DDHD1: variants seen among roughly 807,000 people sequenced by gnomAD.
DDHD1 encodes the protein DDHD domain containing 1, also known as phospholipase DDHD1.
A neutral mutation model predicts 96.4 loss-of-function variants in DDHD1; 49 were observed. The observed-to-expected ratio is 0.51, with a 90% CI of 0.40 to 0.64. The LOEUF (loss-of-function observed/expected upper bound fraction) is 0.64, where lower values mean the gene tolerates loss of function less well. Among genes scored for constraint, DDHD1 ranks in the 30% least tolerant of loss-of-function variants. The pLI, the probability that DDHD1 is intolerant of heterozygous loss-of-function variation, is 0.00. For synonymous variants in DDHD1, 442 were observed against 446.5 expected (o/e 0.99, Z 0.13); for missense variants, 1,106 against 1,161.2 (o/e 0.95, Z 0.69).
chr14:53,068,085 C>T (rs1262753043), intron 6 of DDHD1, among the ~76,000 whole-genome samples: 1 of 152,088 alleles, frequency 6.6e-6, no homozygotes, highest in Admixed American at 6.6e-5. Flanking sequence ...CTACCATCCA[C>T]ATTCTAATTC....
At chr14:53,050,937 ATTAT>A (rs886223797) in intron 12 of DDHD1, among the ~76,000 whole-genome samples, 4 of 152,036 alleles carry the variant, frequency 2.6e-5, no homozygotes, top group African/African-American at 9.7e-5. Flanking sequence ...CATAAATAAA[ATTAT>A]TTATTTATGA....
chr14:53,135,928 C>T (rs917330829), intron 1 of DDHD1, among the ~76,000 whole-genome samples: 5 of 152,240 alleles, frequency 3.3e-5, no homozygotes, highest in African/African-American at 9.6e-5. Context: ...GCTAAGCCAT[C>T]ATATCTCCTG....
intron 4 of DDHD1, among the ~76,000 whole-genome samples, chr14:53,076,007 T>G (rs1884929522): frequency 6.6e-6 from 1 of 152,138 alleles, no homozygotes; most frequent in African/African-American, 2.4e-5. Flanking sequence ...AGAGCTCTGA[T>G]GGAGATGTAC....
rs1186440897 is a variant in DDHD1, at chr14:53,043,261, T to C, written c.*3507A>G. 6.6e-6 allele frequency: 1 copy of C among 152,176 alleles called. No homozygotes were observed. The highest frequency in any genetic ancestry group is 1.5e-5 in the Non-Finnish European group (1 of 68,038). The allele number at this position is 152,176 out of a possible 1,614,324, so 9.4% of individuals were successfully genotyped here. On this transcript the variant is annotated 3_prime_UTR_variant, in exon 13 of 13. Transcript: ENST00000673822. Reference sequence around the variant, plus strand: ...GTTTACATGTCTGAGGCCTTTAGCGTGAGTATTCAGCATGAAGCATGTTCA... The same window carrying C: ...GTTTACATGTCTGAGGCCTTTAGCGCGAGTATTCAGCATGAAGCATGTTCA...
At chr14:53,048,802 G>A (rs1310574032) in intron 12 of DDHD1, 1 of 152,086 alleles carries the variant, frequency 6.6e-6, no homozygotes, top group Non-Finnish European at 1.5e-5. Context: ...TAGACGGGAA[G>A]ACAAAAATAG....
intron 4 of DDHD1, among the ~76,000 whole-genome samples, chr14:53,083,579 G>A (rs985226735): frequency 3.3e-5 from 5 of 152,172 alleles, no homozygotes; most frequent in African/African-American, 7.2e-5. Context: ...GGTTAAGAGG[G>A]AAAACTCTCT....
In DDHD1 at chr14:53,063,224, C is replaced by CATTATCAT; in HGVS notation, c.1504-27_1504-20dup. 6.2e-7 allele frequency: 1 copy of CATTATCAT among 1,608,002 alleles called. No individual in the cohort carries two copies. The highest frequency in any genetic ancestry group is 1.1e-5 in the South Asian group (1 of 90,440). On this transcript the variant is annotated intron_variant, in intron 6 of 12. Coordinates refer to ENST00000673822, the MANE Select transcript of DDHD1 (RefSeq NM_001160148.2). ...TAACTAGCTGTTTGAAATAAGAAAACATTATCATATTAGACTTGTCACTGA... is the reference window on the plus strand; with the variant it reads ...TAACTAGCTGTTTGAAATAAGAAAACATTATCATATTATCATATTAGACTTGTCACTGA...
rs904872915 is a variant in DDHD1 at position 53,043,745 on chromosome 14, T to C, written c.*3023A>G. Reference sequence around the variant, plus strand: ...ACCTGGCCAAAATCCAGTATATTTTTAAATTATGTCCTAAAACACAGAAAC... The same window carrying C: ...ACCTGGCCAAAATCCAGTATATTTTCAAATTATGTCCTAAAACACAGAAAC... On this transcript the variant is annotated 3_prime_UTR_variant, in exon 13 of 13. Coordinates refer to ENST00000673822, the MANE Select transcript of DDHD1 (RefSeq NM_001160148.2). 1 of 152,232 alleles carries C rather than the reference T, an allele frequency of 6.6e-6. No homozygotes were observed. Among genetic ancestry groups the C allele is most frequent in the Non-Finnish European group, 1.5e-5 (1 of 68,044 alleles). 9.4% of individuals were successfully genotyped at this position (152,232 alleles called of 1,614,324 possible).
chr14:53,052,854 G>T (rs936388252), intron 11 of DDHD1: 1 of 151,700 alleles, frequency 6.6e-6, no homozygotes, highest in Non-Finnish European at 1.5e-5. Flanking sequence ...GAATGACATA[G>T]TATGTATTTT....
chr14:53,072,534 A>T, intron 6 of DDHD1, 63 bp downstream of exon 6: 1 of 903,384 alleles, frequency 1.1e-6, no homozygotes, highest in East Asian at 2.6e-5. Context: ...AAATGTAAAA[A>T]TTCAGGACAT....
intron 2 of DDHD1, among the ~76,000 whole-genome samples, chr14:53,099,079 G>A (rs959201161): frequency 1.3e-5 from 2 of 151,296 alleles, no homozygotes. Context: ...CTTTTTCTTG[G>A]TTTATTTTGG....
At chr14:53,136,296 T>C (rs747838971) in intron 1 of DDHD1, among the ~76,000 whole-genome samples, 2 of 152,124 alleles carry the variant, frequency 1.3e-5, no homozygotes, top group African/African-American at 2.4e-5. Flanking sequence ...AAACCTGTTT[T>C]GGTGGTCTCT....
At chr14:53,093,266 A>T in intron 3 of DDHD1, 50 bp downstream of exon 3, 1 of 1,559,020 alleles carries the variant, frequency 6.4e-7, no homozygotes, top group Non-Finnish European at 8.7e-7. Context: ...ATATGAGAGA[A>T]AGTCAGATTC....
chr14:53,121,823 T>G (rs991170895), intron 1 of DDHD1, among the ~76,000 whole-genome samples: 3 of 151,222 alleles, frequency 2.0e-5, no homozygotes, highest in African/African-American at 7.3e-5. Flanking sequence ...ATGCAGGGCT[T>G]AAAATCTAGA....
chr14:53,081,499 G>A (rs1885466659), intron 4 of DDHD1, among the ~76,000 whole-genome samples: 2 of 152,138 alleles, frequency 1.3e-5, no homozygotes, highest in African/African-American at 4.8e-5. Context: ...AGACAATTTT[G>A]TACTTCGAGG....
chr14:53,072,569 C>A, intron 6 of DDHD1, 28 bp downstream of exon 6: 3 of 1,334,540 alleles, frequency 2.2e-6, no homozygotes, highest in Non-Finnish European at 2.0e-6. Flanking sequence ...TAAAAAATAC[C>A]CACCAGCAAG....
intron 9 of DDHD1, among the ~76,000 whole-genome samples, chr14:53,057,797 C>T (rs1883189000): frequency 6.6e-6 from 1 of 152,188 alleles, no homozygotes; most frequent in African/African-American, 2.4e-5. Context: ...GTTTAATAAT[C>T]AGATAAATGA....
intron 1 of DDHD1, among the ~76,000 whole-genome samples, chr14:53,130,871 C>T (rs774889539): frequency 7.2e-5 from 11 of 152,222 alleles, no homozygotes; most frequent in South Asian, 2.1e-4. Context: ...TGAAATCTGA[C>T]GCTGCCTGAT....
intron 4 of DDHD1, among the ~76,000 whole-genome samples, chr14:53,076,449 TATGG>T (rs1566542170): frequency 3.3e-5 from 5 of 152,200 alleles, no homozygotes. Context: ...AGTTGCTTCT[TATGG>T]ATGAACAAAG....
Sources: allele counts gnomAD v4.1 joint callset (sites outside exome capture counted in the v4.1 genomes callset), GRCh38; gene constraint gnomAD v4.1.1; transcripts MANE v1.5; gene names NCBI Gene and HGNC (gene_info 2026-07-23, HGNC 2026-07-21).